ADAMTSL1: variants seen among roughly 807,000 people sequenced by gnomAD.
ADAMTSL1 encodes the protein ADAMTS like 1.
Under a neutral mutation model 201.8 loss-of-function variants are expected in ADAMTSL1, and 126 were observed. That is an observed-to-expected ratio of 0.62 (90% CI 0.54 to 0.72). ADAMTSL1 has a LOEUF of 0.72. Among genes scored for constraint, ADAMTSL1 ranks in the 30% least tolerant of loss-of-function variants. The pLI is 0.00. For missense variants in ADAMTSL1, 2,679 were observed against 2,277.8 expected (o/e 1.18, Z -3.59); for synonymous variants, 1,121 against 903.4 (o/e 1.24, Z -4.32).
chr9:18,598,436 A>G (rs939266418), intron 4 of ADAMTSL1, among the ~76,000 whole-genome samples: 10 of 152,054 alleles, frequency 6.6e-5, no homozygotes, highest in African/African-American at 2.4e-4. Context: ...AAAAAATTTA[A>G]AGTACTTTAT....
chr9:18,114,368 G>C (rs781004322), intron 1 of ADAMTSL1, among the ~76,000 whole-genome samples: 1 of 152,108 alleles, frequency 6.6e-6, no homozygotes, highest in African/African-American at 2.4e-5. Flanking sequence ...TTGACCTGAC[G>C]AGTTTGTGCT....
intron 1 of ADAMTSL1, among the ~76,000 whole-genome samples, chr9:18,159,804 G>A (rs763094423): frequency 1.3e-5 from 2 of 152,034 alleles, no homozygotes; most frequent in African/African-American, 2.4e-5. Context: ...GGTTATGAAC[G>A]AAGTGAGTGT....
chr9:18,160,225 G>A (rs781095704), intron 1 of ADAMTSL1, among the ~76,000 whole-genome samples: 68 of 152,032 alleles, frequency 4.5e-4, no homozygotes, highest in Non-Finnish European at 7.2e-4. Flanking sequence ...CAGATTGCAA[G>A]AAGGAGAAGC....
intron 9 of ADAMTSL1, among the ~76,000 whole-genome samples, chr9:18,664,871 G>T (rs1001973614): frequency 6.6e-6 from 1 of 151,972 alleles, no homozygotes; most frequent in Non-Finnish European, 1.5e-5. Flanking sequence ...TGCCCACAGA[G>T]CCTGTTGTTC....
At chr9:18,712,812 T>C (rs1832695671) in intron 14 of ADAMTSL1, among the ~76,000 whole-genome samples, 1 of 150,380 alleles carries the variant, frequency 6.6e-6, no homozygotes, top group African/African-American at 2.4e-5. Context: ...TTCACCAACA[T>C]TGAAATGAAG....
At chr9:18,838,884 A>G (rs938805610) in intron 23 of ADAMTSL1, among the ~76,000 whole-genome samples, 1 of 149,274 alleles carries the variant, frequency 6.7e-6, no homozygotes, top group Non-Finnish European at 1.5e-5. Context: ...CTTTTTTTTA[A>G]AAAAAAAAAA....
chr9:17,934,300 C>T (rs1277271847), intron 1 of ADAMTSL1, among the ~76,000 whole-genome samples: 1 of 152,140 alleles, frequency 6.6e-6, no homozygotes, highest in Non-Finnish European at 1.5e-5. Context: ...AATTCACTTC[C>T]TCTAGAATTT....
intron 4 of ADAMTSL1, among the ~76,000 whole-genome samples, chr9:18,621,877 T>C (rs1169549401): frequency 2.0e-5 from 3 of 152,152 alleles, no homozygotes; most frequent in African/African-American, 7.2e-5. Flanking sequence ...GTCATTTGAG[T>C]GCATCATAAT....
At chr9:18,058,272 A>G (rs1822285178) in intron 1 of ADAMTSL1, among the ~76,000 whole-genome samples, 1 of 152,202 alleles carries the variant, frequency 6.6e-6, no homozygotes, top group African/African-American at 2.4e-5. Context: ...CCTCATCCCT[A>G]GAGAGTGTTC....
chr9:17,907,549 C>T (rs1018098424), intron 1 of ADAMTSL1, among the ~76,000 whole-genome samples: 1 of 152,138 alleles, frequency 6.6e-6, no homozygotes, highest in Admixed American at 6.5e-5. Flanking sequence ...ATACCCCCTC[C>T]GAATCCTCCC....
At chr9:18,440,020 C>A (rs1327522723) in intron 2 of ADAMTSL1, among the ~76,000 whole-genome samples, 1 of 152,218 alleles carries the variant, frequency 6.6e-6, no homozygotes, top group African/African-American at 2.4e-5. Flanking sequence ...AAATCTTCCT[C>A]AAACACCCTG....
In ADAMTSL1 at chr9:18,010,513, GATTA is replaced by G. The variant is rs747149428; in HGVS notation, c.87+103595_87+103598del. On this transcript the variant is annotated intron_variant, in intron 1 of 29. Transcript: ENST00000680146. ...ACCTGTCAGAGTCAGAACAGGGAGA[GATTA>G]ATTGTGAACTAGAGTGAGTAATCCT... Among the ~76,000 whole-genome samples the G allele has an allele frequency of 3.3e-5, 5 of 152,034 alleles. No individual in the cohort carries two copies. The East Asian group carries it at 5.8e-4, about 18-fold the overall frequency.
At chr9:18,304,008 G>C (rs1833806941) in intron 2 of ADAMTSL1, among the ~76,000 whole-genome samples, 1 of 152,112 alleles carries the variant, frequency 6.6e-6, no homozygotes, top group African/African-American at 2.4e-5. Context: ...ACACTGCTCT[G>C]CACCAATAAA....
intron 2 of ADAMTSL1, among the ~76,000 whole-genome samples, chr9:18,321,108 G>C (rs1834598013): frequency 6.6e-6 from 1 of 152,058 alleles, no homozygotes; most frequent in African/African-American, 2.4e-5. Context: ...TTAAGTAAAA[G>C]GATGGAAACA....
intron 2 of ADAMTSL1, among the ~76,000 whole-genome samples, chr9:18,180,666 C>T (rs1358641566): frequency 6.6e-6 from 1 of 152,014 alleles, no homozygotes; most frequent in African/African-American, 2.4e-5. Flanking sequence ...ACATTCCATG[C>T]TCATGGGTAG....
intron 2 of ADAMTSL1, among the ~76,000 whole-genome samples, chr9:18,397,512 A>T (rs770167412): frequency 3.3e-5 from 5 of 152,182 alleles, no homozygotes; most frequent in Non-Finnish European, 4.4e-5. Flanking sequence ...ATGAACAAAC[A>T]AAACCACCGT....
chr9:18,874,253 CT>C (rs1465473447), intron 23 of ADAMTSL1, among the ~76,000 whole-genome samples: 5 of 152,104 alleles, frequency 3.3e-5, no homozygotes, highest in Non-Finnish European at 5.9e-5. Flanking sequence ...AACAGTTTTA[CT>C]TCCTCTTTAC....
chr9:18,263,836 A>C (rs932251706), intron 2 of ADAMTSL1, among the ~76,000 whole-genome samples: 2 of 152,166 alleles, frequency 1.3e-5, no homozygotes, highest in African/African-American at 2.4e-5. Context: ...GTAGCCGCCA[A>C]CAAGCCAGGA....
chr9:18,126,106 A>C (rs556529877), intron 1 of ADAMTSL1, among the ~76,000 whole-genome samples: 56 of 152,342 alleles, frequency 3.7e-4, no homozygotes, highest in African/African-American at 1.3e-3. Context: ...CATCCTTAAA[A>C]TGAAGATTAC....
Sources: allele counts gnomAD v4.1 joint callset (sites outside exome capture counted in the v4.1 genomes callset), GRCh38; gene constraint gnomAD v4.1.1; transcripts MANE v1.5; gene names NCBI Gene and HGNC (gene_info 2026-07-23, HGNC 2026-07-21).